The following ZNF560 variants were observed in gnomAD, a reference collection of about 807,000 sequenced individuals.
ZNF560 encodes the protein zinc finger protein 560.
ZNF560 carries 54 observed loss-of-function variants against 81.8 expected under a neutral mutation model. That is an observed-to-expected ratio of 0.66 (90% CI 0.53 to 0.83). ZNF560 has a LOEUF of 0.83. Ranked by LOEUF, ZNF560 falls within the 40% of genes least tolerant of loss-of-function variation. ZNF560 has a pLI of 0.00. For synonymous variants in ZNF560, 321 were observed against 317.9 expected (o/e 1.01, Z -0.10); for missense variants, 940 against 932.4 (o/e 1.01, Z -0.11).
At chr19:9,470,690 A>G (rs2073107640) in intron 6 of ZNF560, among the ~76,000 whole-genome samples, 172 bp from the exon 7 acceptor site, 1 of 152,162 alleles carries the variant, frequency 6.6e-6, no homozygotes, top group African/African-American at 2.4e-5. Flanking sequence ...CTCACTGTCA[A>G]TTTCCTCCAA....
chr19:9,501,327 T>TTGTGTGTGTGTGTGTGTG (rs71185606), upstream of ZNF560, among the ~76,000 whole-genome samples: 3 of 109,020 alleles, frequency 2.8e-5, no homozygotes, highest in African/African-American at 3.8e-5. Flanking sequence ...CCTGGCTACT[T>TTGTGTGTGTGTGTGTGTG]TGTGTGTGTG....
chr19:9,496,850 C>T (rs2073566882), intron 2 of ZNF560, among the ~76,000 whole-genome samples: 2 of 151,854 alleles, frequency 1.3e-5, no homozygotes, highest in Middle Eastern at 6.8e-3. Context: ...GCAGGAGAAT[C>T]GCTTGAACCA....
chr19:9,459,609 C>A, the ZNF560 span, among the ~76,000 whole-genome samples: 2 of 152,058 alleles, frequency 1.3e-5, no homozygotes, highest in Non-Finnish European at 2.9e-5. Context: ...ATGGAGGCTG[C>A]GAAGTCCCTG....
chr19:9,483,268 C>T (rs192545374), intron 2 of ZNF560, among the ~76,000 whole-genome samples: 2 of 150,668 alleles, frequency 1.3e-5, no homozygotes, highest in African/African-American at 4.9e-5. Context: ...AGCACCTCTG[C>T]CCCGCCGCCC....
intron 5 of ZNF560, among the ~76,000 whole-genome samples, chr19:9,472,512 T>C (rs1017156666): frequency 2.0e-5 from 3 of 152,276 alleles, no homozygotes; most frequent in East Asian, 1.9e-4. Context: ...AAATCTATCA[T>C]GAACTGTGCA....
chr19:9,480,976 C>T (rs2073279265), intron 2 of ZNF560, among the ~76,000 whole-genome samples: 1 of 150,352 alleles, frequency 6.7e-6, no homozygotes, highest in African/African-American at 2.5e-5. Flanking sequence ...CCCAGCTATT[C>T]AGGAGGCTGA....
chr19:9,457,471 C>G, the ZNF560 span, among the ~76,000 whole-genome samples: 1 of 152,198 alleles, frequency 6.6e-6, no homozygotes, highest in Non-Finnish European at 1.5e-5. Context: ...ATTTGCCAGA[C>G]TTATGTAGGG....
chr19:9,495,414 C>A (rs961734188), intron 2 of ZNF560, among the ~76,000 whole-genome samples: 1 of 151,994 alleles, frequency 6.6e-6, no homozygotes, highest in Non-Finnish European at 1.5e-5. Context: ...CAAAACACTA[C>A]ACTTCTGGCC....
chr19:9,464,885 T>G (rs2144679320), downstream of ZNF560, among the ~76,000 whole-genome samples: 2 of 152,278 alleles, frequency 1.3e-5, no homozygotes, highest in South Asian at 4.1e-4. Context: ...AATCCTGATA[T>G]TCCATACATG....
At chr19:9,449,361 C>T in the ZNF560 span, among the ~76,000 whole-genome samples, 1 of 152,084 alleles carries the variant, frequency 6.6e-6, no homozygotes, top group African/African-American at 2.4e-5. Flanking sequence ...CAAAATCACA[C>T]AATTACATGG....
intron 2 of ZNF560, among the ~76,000 whole-genome samples, chr19:9,475,968 C>T (rs1255850536): frequency 2.0e-5 from 3 of 152,148 alleles, no homozygotes; most frequent in African/African-American, 7.2e-5. Context: ...ATATAACTCA[C>T]AAATGAGATT....
At chr19:9,457,465 G>T in the ZNF560 span, among the ~76,000 whole-genome samples, 5 of 152,204 alleles carry the variant, frequency 3.3e-5, no homozygotes, top group Admixed American at 6.5e-5. Flanking sequence ...CCAACAATTT[G>T]CCAGACTTAT....
intron 9 of ZNF560, among the ~76,000 whole-genome samples, 156 bp downstream of exon 9, chr19:9,468,949 C>T (rs1242307641): frequency 2.0e-5 from 3 of 151,910 alleles, no homozygotes; most frequent in African/African-American, 4.8e-5. Flanking sequence ...AGGCTGGTCT[C>T]GAACTCCTGA....
At chr19:9,481,632 T>A (rs946009717) in intron 2 of ZNF560, among the ~76,000 whole-genome samples, 44 of 152,294 alleles carry the variant, frequency 2.9e-4, no homozygotes, top group African/African-American at 1.0e-3. Flanking sequence ...CAGACACTTT[T>A]CAAAAGAAGA....
chr19:9,459,756 A>G, the ZNF560 span, among the ~76,000 whole-genome samples: 1 of 152,162 alleles, frequency 6.6e-6, no homozygotes, highest in African/African-American at 2.4e-5. Flanking sequence ...GCTACTTGAG[A>G]TAATGGAGAA....
chr19:9,469,514 C>A, intron 8 of ZNF560, 116 bp downstream of exon 8: 1 of 895,430 alleles, frequency 1.1e-6, no homozygotes, highest in Non-Finnish European at 1.8e-6. Context: ...TATCCCAAAA[C>A]ATCCAAGTCC....
chr19:9,492,440 C>T (rs2144727067), intron 2 of ZNF560, among the ~76,000 whole-genome samples: 1 of 152,298 alleles, frequency 6.6e-6, no homozygotes, highest in South Asian at 2.1e-4. Flanking sequence ...GAGGCAAATC[C>T]ACTAGGCTTT....
chr19:9,476,959 G>A (rs1367088530), intron 2 of ZNF560, among the ~76,000 whole-genome samples: 1 of 152,084 alleles, frequency 6.6e-6, no homozygotes, highest in Non-Finnish European at 1.5e-5. Flanking sequence ...AAATCTAAGT[G>A]GATAACTGGC....
chr19:9,494,517 C>T (rs1015509844), intron 2 of ZNF560, among the ~76,000 whole-genome samples: 1 of 152,116 alleles, frequency 6.6e-6, no homozygotes, highest in South Asian at 2.1e-4. Context: ...GGTGGATCAC[C>T]TGATGTGAGG....
Sources: gnomAD v4.1 joint callset for allele counts (sites outside exome capture counted in the v4.1 genomes callset) on GRCh38, gnomAD v4.1.1 for gene constraint, MANE v1.5 for transcripts, NCBI Gene and HGNC (gene_info 2026-07-23, HGNC 2026-07-21) for gene names.